SGCD: variants seen among roughly 807,000 people sequenced by gnomAD.
The protein encoded by SGCD is delta-sarcoglycan.
SGCD carries 18 observed loss-of-function variants against 36.6 expected under a neutral mutation model. That is an observed-to-expected ratio of 0.49 (90% CI 0.34 to 0.73). The LOEUF is 0.73. Ranked by LOEUF, SGCD falls within the 30% of genes least tolerant of loss-of-function variation. The pLI is 0.01. For missense variants in SGCD, 387 were observed against 346.7 expected (o/e 1.12, Z -0.92); for synonymous variants, 133 against 130.6 (o/e 1.02, Z -0.12).
chr5:155,738,656 G>C, the SGCD span, among the ~76,000 whole-genome samples: 1 of 151,778 alleles, frequency 6.6e-6, no homozygotes, highest in African/African-American at 2.4e-5. Flanking sequence ...GTGTGTGTGA[G>C]AGAGTGTGTG....
At chr5:156,557,888 T>C (rs1736188890) in intron 4 of SGCD, among the ~76,000 whole-genome samples, 1 of 151,860 alleles carries the variant, frequency 6.6e-6, no homozygotes, top group Admixed American at 6.6e-5. Flanking sequence ...GTGCCTTTTA[T>C]TTTCTCTAAA....
chr5:155,864,970 C>T, the SGCD span, among the ~76,000 whole-genome samples: 1 of 152,134 alleles, frequency 6.6e-6, no homozygotes, highest in South Asian at 2.1e-4. Flanking sequence ...ATTTAACCTT[C>T]AAAACAACTC....
At chr5:155,843,625 T>C in the SGCD span, among the ~76,000 whole-genome samples, 1 of 152,266 alleles carries the variant, frequency 6.6e-6, no homozygotes, top group Non-Finnish European at 1.5e-5. Context: ...TTGAACCATA[T>C]GATCTTCTCA....
the SGCD span, among the ~76,000 whole-genome samples, chr5:155,756,189 G>T: frequency 6.6e-6 from 1 of 152,160 alleles, no homozygotes. Flanking sequence ...TGTGACTTTT[G>T]TACAGCACCA....
chr5:156,612,246 G>A (rs528867807), intron 6 of SGCD, among the ~76,000 whole-genome samples: 2 of 152,316 alleles, frequency 1.3e-5, no homozygotes, highest in East Asian at 3.9e-4. Flanking sequence ...TCCTGTAGAT[G>A]AGTCCTATGA....
At chr5:156,202,143 CT>C (rs1764167273) in intron 3 of SGCD, among the ~76,000 whole-genome samples, 1 of 152,198 alleles carries the variant, frequency 6.6e-6, no homozygotes, top group Non-Finnish European at 1.5e-5. Context: ...ACAGGGGGTT[CT>C]TTCTTGGCCT....
chr5:156,071,066 TC>T (rs1448520236), intron 1 of SGCD, among the ~76,000 whole-genome samples: 4 of 152,186 alleles, frequency 2.6e-5, no homozygotes, highest in African/African-American at 9.7e-5. Context: ...ATTTTGTTGA[TC>T]CTTCCAAAAA....
At chr5:155,844,421 T>TTGTGTGTGTGTGTGTGTGTGTG in the SGCD span, among the ~76,000 whole-genome samples, 130 of 144,564 alleles carry the variant, frequency 9.0e-4, no homozygotes, top group South Asian at 2.0e-3. Context: ...TGCTAAGGCT[T>TTGTGTGTGTGTGTGTGTGTGTG]TGTGTGTGTG....
the SGCD span, among the ~76,000 whole-genome samples, chr5:155,739,173 C>G: frequency 2.6e-5 from 4 of 152,138 alleles, no homozygotes; most frequent in East Asian, 7.7e-4. Context: ...AGATAATGGT[C>G]CCTGCCCTTG....
chr5:155,771,179 C>T, the SGCD span, among the ~76,000 whole-genome samples: 2 of 152,186 alleles, frequency 1.3e-5, no homozygotes, highest in South Asian at 4.1e-4. Flanking sequence ...TGTTAATACT[C>T]GGATTTCCTG....
intron 1 of SGCD, among the ~76,000 whole-genome samples, chr5:156,081,308 A>T (rs996973143): frequency 1.3e-5 from 2 of 152,282 alleles, no homozygotes; most frequent in Admixed American, 1.3e-4. Context: ...TGCCCTCATG[A>T]TGCAAACCCT....
chr5:156,244,833 G>T (rs998135512), intron 3 of SGCD, among the ~76,000 whole-genome samples: 7 of 152,106 alleles, frequency 4.6e-5, no homozygotes, highest in African/African-American at 1.7e-4. Context: ...CATAGAGAGT[G>T]GTGTCATAGA....
chr5:155,803,454 A>G, the SGCD span, among the ~76,000 whole-genome samples: 2 of 152,152 alleles, frequency 1.3e-5, no homozygotes, highest in Non-Finnish European at 2.9e-5. Context: ...ACTACACCAG[A>G]CAGAGTAAGA....
At chr5:155,896,472 CAAA>C (rs34729768) in intron 1 of SGCD, among the ~76,000 whole-genome samples, 118 of 125,120 alleles carry the variant, frequency 9.4e-4, no homozygotes, top group South Asian at 2.4e-3. Flanking sequence ...CCTGTCTCTA[CAAA>C]AAAAAAAAAA....
chr5:156,469,445 G>C (rs1367594046), intron 3 of SGCD, among the ~76,000 whole-genome samples: 1 of 152,158 alleles, frequency 6.6e-6, no homozygotes, highest in Non-Finnish European at 1.5e-5. Flanking sequence ...ACCCAAGTAT[G>C]CATAGTAATA....
chr5:156,190,789 G>A (rs551586640), intron 3 of SGCD, among the ~76,000 whole-genome samples: 249 of 152,136 alleles, frequency 1.6e-3, no homozygotes, highest in African/African-American at 5.7e-3. Flanking sequence ...TTTAAAGAAG[G>A]ACCCATGCCA....
At chr5:156,175,276 G>T (rs1362645917) in intron 3 of SGCD, among the ~76,000 whole-genome samples, 2 of 151,976 alleles carry the variant, frequency 1.3e-5, no homozygotes, top group Non-Finnish European at 2.9e-5. Flanking sequence ...TTGTTCAAGG[G>T]TTAACTATGC....
At chr5:155,773,487 A>T in the SGCD span, among the ~76,000 whole-genome samples, 1 of 152,018 alleles carries the variant, frequency 6.6e-6, no homozygotes, top group Non-Finnish European at 1.5e-5. Context: ...GCCTGCCCTG[A>T]CTTCTTTAAT....
the SGCD span, among the ~76,000 whole-genome samples, chr5:155,812,430 T>C: frequency 1.2e-4 from 18 of 152,348 alleles, no homozygotes; most frequent in South Asian, 4.1e-4. Context: ...TACACAATCC[T>C]GCATGCAATT....
Sources: gnomAD v4.1 joint callset for allele counts (sites outside exome capture counted in the v4.1 genomes callset) on GRCh38, gnomAD v4.1.1 for gene constraint, MANE v1.5 for transcripts, NCBI Gene and HGNC (gene_info 2026-07-23, HGNC 2026-07-21) for gene names.